The following SRCAP variants were observed in gnomAD, a reference collection of about 807,000 sequenced individuals.
SRCAP encodes chromatin remodeling protein SRCAP.
SRCAP carries 46 observed loss-of-function variants against 263.1 expected under a neutral mutation model. The ratio of observed to expected loss-of-function variants is 0.17; its 90% CI spans 0.14 to 0.22. The LOEUF (loss-of-function observed/expected upper bound fraction) is 0.22, where lower values mean the gene tolerates loss of function less well. SRCAP is among the 10% of genes least tolerant of loss of function. The probability of loss-of-function intolerance (pLI) is 1.00; values close to 1 mark genes in which losing one functional copy is unlikely to be tolerated. For missense variants in SRCAP, 3,695 were observed against 4,181.9 expected (o/e 0.88, Z 3.21); for synonymous variants, 1,813 against 1,662.1 (o/e 1.09, Z -2.21).
chr16:30,724,260 G>C lies in SRCAP; in HGVS notation c.4836G>C (p.Leu1612=). The C allele has an allele frequency of 6.2e-7, 1 of 1,614,052 alleles. No homozygotes were observed. Among genetic ancestry groups the C allele is most frequent in the Non-Finnish European group, 8.5e-7 (1 of 1,180,002 alleles). ...PAPPLAPLPV[L]APSPGAAPVL... ...CTCCTCTGGCTCCTCTTCCGGTCCT[G>C]GCACCATCGCCAGGTGCTGCTCCTG... is the stretch of plus-strand genomic sequence containing the variant. The change falls in exon 25 of 34, where the codon CTG becomes CTC. Residue 1612 remains leucine, a synonymous_variant. Coordinates refer to ENST00000262518, the MANE Select transcript of SRCAP (RefSeq NM_006662.3).
At position 30,711,819 on chromosome 16, in the gene SRCAP, T is replaced by C; in HGVS notation, c.1493-16T>C. On this transcript the variant is annotated splice_polypyrimidine_tract_variant and intron_variant, in intron 11 of 33. Transcript: ENST00000262518. ...AGCAGGTATGATGAGCAGTAAGCCT[T>C]GGTCTTACCCTTTAGACTCTGTGGA... is the stretch of plus-strand genomic sequence containing the variant. 1.2e-6 allele frequency: 2 copies of C among 1,612,792 alleles called. No homozygotes were observed. Among genetic ancestry groups the C allele is most frequent in the Non-Finnish European group, 1.7e-6 (2 of 1,179,058 alleles).
chr16:30,712,040 A>C lies in SRCAP; in HGVS notation c.1698A>C (p.Ala566=), dbSNP rs932054538. Residue 566 remains alanine (A), a synonymous_variant, in exon 12 of 34, where the codon GCA becomes GCC. Coordinates refer to ENST00000262518, the MANE Select transcript of SRCAP (RefSeq NM_006662.3). ...ATGAAGAGCAGAGTGAGGCAGATGC[A>C]GGCAGTGGGCCTCCTACTCCAGGGC... The part of the protein sequence containing the change: ...ARDEEQSEAD[A]GSGPPTPGPT... The C allele has an allele frequency of 1.2e-6, 2 of 1,613,960 alleles. No homozygotes were observed. Among genetic ancestry groups the C allele is most frequent in the African/African-American group, 2.7e-5 (2 of 74,868 alleles).
chr16:30,713,164 C>T (rs997750759), intron 14 of SRCAP, 44 bp from the exon 15 acceptor site: 4 of 1,590,950 alleles, frequency 2.5e-6, no homozygotes, highest in African/African-American at 1.3e-5. Flanking sequence ...TTGCTCTCTT[C>T]TTTTCATCCC....
intron 32 of SRCAP, 71 bp from the exon 33 acceptor site, chr16:30,736,470 G>C (rs993529290): frequency 6.6e-5 from 107 of 1,610,130 alleles, no homozygotes; most frequent in Non-Finnish European, 6.5e-5. Context: ...CTTCCCTGGT[G>C]GGAATAAATA....
In SRCAP at chr16:30,720,163, G is replaced by A. The variant is rs571228447; in HGVS notation, c.2819G>A (p.Arg940Gln). Residue 940 changes from arginine (R) to glutamine (Q), a missense_variant and splice_region_variant, in exon 19 of 34, where the codon CGG becomes CAG. Around this residue, in one of 12 missense-constraint regions of SRCAP, gnomAD observed 147 missense variants for 212.7 expected, o/e 0.69. Coordinates refer to ENST00000262518, the MANE Select transcript of SRCAP (RefSeq NM_006662.3). ...ACTGTGCTTTCTTTCTTGTGGCAGCGGATAGACATGGGTCGATTTGACCTT... is the reference window on the plus strand; with the variant it reads ...ACTGTGCTTTCTTTCTTGTGGCAGCAGATAGACATGGGTCGATTTGACCTT... ...LRATDVHPLQ[R>Q]IDMGRFDLIG... is the part of the protein sequence containing the mutation. 34 of 1,602,168 alleles carry A rather than the reference G, an allele frequency of 2.1e-5. No homozygotes were observed. Among genetic ancestry groups the A allele is most frequent in the Admixed American group, 5.0e-5 (3 of 59,688 alleles).
Position 30,739,826 on chromosome 16 carries a change from G to A in SRCAP, c.*93G>A, listed in dbSNP as rs2151301708. On this transcript the variant is annotated 3_prime_UTR_variant, in exon 34 of 34. Transcript: ENST00000262518. ...AACCACTACTTGAAGTCTTGAGGGG[G>A]AAAGCCTCCAGGGAGACATAGGGGC... 4.9e-6 allele frequency: 7 copies of A among 1,421,342 alleles called. No individual in the cohort carries two copies. In the South Asian group the frequency reaches 1.1e-4, roughly 23 times the overall value. 88.0% of individuals were successfully genotyped at this position (1,421,342 alleles called of 1,614,324 possible).
intron 14 of SRCAP, 60 bp from the exon 15 acceptor site, chr16:30,713,148 T>C: frequency 6.5e-7 from 1 of 1,544,930 alleles, no homozygotes; most frequent in African/African-American, 1.4e-5. Context: ...TTAGCATGTC[T>C]TCCCTTTGCT....
rs1409048102 is a variant in SRCAP, at chr16:30,723,634, C to A, written c.4210C>A (p.Pro1404Thr). Residue 1404 changes from proline (P) to threonine (T), a missense_variant, in exon 25 of 34, where the codon CCA becomes ACA. Pro to Thr is a conservative substitution (Grantham distance 38, BLOSUM62 -1). Coordinates refer to ENST00000262518, the MANE Select transcript of SRCAP (RefSeq NM_006662.3). ...GACCATCTCTTCTCCTCTCCACGTG[C>A]CATCCTCCCTCCCTGGGCCAGCCTC... ...PLTISSPLHV[P>T]SSLPGPASSP... 13 of 1,613,622 alleles carry A rather than the reference C, an allele frequency of 8.1e-6. No homozygotes were observed. The highest frequency in any genetic ancestry group is 1.1e-5 in the Non-Finnish European group (13 of 1,179,666).
chr16:30,707,805 A>G, intron 6 of SRCAP, 93 bp downstream of exon 6: 1 of 1,492,802 alleles, frequency 6.7e-7, no homozygotes, highest in Non-Finnish European at 9.1e-7. Context: ...TGAGGGAGTA[A>G]ATATAATTTC....
intron 24 of SRCAP, 24 bp from the exon 25 acceptor site, chr16:30,723,559 GC>G (rs2053031997): frequency 2.5e-6 from 4 of 1,593,056 alleles, no homozygotes. Context: ...GAATTCTGGG[GC>G]TAACTCATCC....
intron 22 of SRCAP, 138 bp downstream of exon 22, chr16:30,722,424 G>A: frequency 2.0e-6 from 3 of 1,499,174 alleles, no homozygotes; most frequent in Non-Finnish European, 2.7e-6. Context: ...TGGTTGGAGG[G>A]ATCTTGGATA....
intron 18 of SRCAP, among the ~76,000 whole-genome samples, chr16:30,717,998 TG>T (rs1279954939): frequency 6.6e-6 from 1 of 151,410 alleles, no homozygotes; most frequent in African/African-American, 2.4e-5. Flanking sequence ...GACGAGTAGC[TG>T]GAACTATATG....
chr16:30,711,567 C>A lies in SRCAP; in HGVS notation c.1319-4C>A. On this transcript the variant is annotated splice_polypyrimidine_tract_variant and splice_region_variant and intron_variant, in intron 10 of 33. Transcript: ENST00000262518. ...CAACCAAAAGCTTTTTGTTTCTCTT[C>A]CAGGTGAGCTTTCCATGGAGGAGCT... The A allele has an allele frequency of 6.3e-7, 1 of 1,579,900 alleles. No individual in the cohort carries two copies. Among genetic ancestry groups the A allele is most frequent in the Non-Finnish European group, 8.6e-7 (1 of 1,166,026 alleles).
chr16:30,740,062 A>C lies in SRCAP; in HGVS notation c.*329A>C. ...GGGAAGGGGGAGGGGCTTCTCTACA[A>C]TGAGGTTTTTTTCTTTTTTTTTTTT... On this transcript the variant is annotated 3_prime_UTR_variant, in exon 34 of 34. Transcript: ENST00000262518. 5 of 220,272 alleles carry C rather than the reference A, an allele frequency of 2.3e-5. No individual in the cohort carries two copies. Among genetic ancestry groups the C allele is most frequent in the East Asian group, 8.7e-5 (1 of 11,516 alleles). The allele number at this position is 220,272 out of a possible 1,614,324, so 13.6% of individuals were successfully genotyped here.
chr16:30,731,518 G>C (rs950586182), intron 27 of SRCAP, among the ~76,000 whole-genome samples: 1 of 152,088 alleles, frequency 6.6e-6, no homozygotes, highest in African/African-American at 2.4e-5. Context: ...GTAAAAAAAA[G>C]TGTTTTTGTT....
Position 30,729,156 on chromosome 16 carries a change from C to CTAT in SRCAP, c.5850_5851insATT (p.Thr1950_Tyr1951insIle), listed in dbSNP as rs767382265. ...GGCCCCAGCCACCCCACCTTTTGGA[C>CTAT]TTATACCGAGGCTGCCCACCGGGCT... On this transcript the variant is annotated inframe_insertion, in exon 26 of 34. Transcript: ENST00000262518. 11 of 1,613,886 alleles carry CTAT rather than the reference C, an allele frequency of 6.8e-6. No individual in the cohort carries two copies. Among genetic ancestry groups the CTAT allele is most frequent in the African/African-American group, 2.7e-5 (2 of 74,842 alleles).
At chr16:30,719,695 G>T (rs994279806) in intron 18 of SRCAP, among the ~76,000 whole-genome samples, 1 of 152,078 alleles carries the variant, frequency 6.6e-6, no homozygotes, top group African/African-American at 2.4e-5. Flanking sequence ...TGTATTTTCT[G>T]TAGAGACGGG....
In SRCAP at chr16:30,712,393, G is replaced by T; in HGVS notation, c.1947G>T (p.Lys649Asn). 1 of 1,597,962 alleles carries T rather than the reference G, an allele frequency of 6.3e-7. No homozygotes were observed. The highest frequency in any genetic ancestry group is 1.1e-5 in the South Asian group (1 of 89,186). ...GILADEMGLG[K>N]TIQTISLLAH... is the part of the protein sequence containing the mutation. ...TTGCTGATGAGATGGGGCTTGGGAAGACCATCCAGACCATCTCTCTGCTTG... is the reference window on the plus strand; with the variant it reads ...TTGCTGATGAGATGGGGCTTGGGAATACCATCCAGACCATCTCTCTGCTTG... The change falls in exon 13 of 34, where the codon AAG becomes AAT. Residue 649 changes from lysine to asparagine, a missense_variant. Physicochemically the swap from Lys to Asn is moderately conservative, Grantham distance 94 (BLOSUM62 0). Around this residue, in one of 12 missense-constraint regions of SRCAP, gnomAD observed 121 missense variants for 330.7 expected, o/e 0.37. Coordinates refer to ENST00000262518, the MANE Select transcript of SRCAP (RefSeq NM_006662.3).
chr16:30,718,192 G>A (rs954643709), intron 18 of SRCAP, among the ~76,000 whole-genome samples: 3 of 151,550 alleles, frequency 2.0e-5, no homozygotes, highest in Admixed American at 6.6e-5. Flanking sequence ...TTTTGGGTGG[G>A]GGGGGCAGAG....
Sources: allele counts gnomAD v4.1 joint callset (sites outside exome capture counted in the v4.1 genomes callset), GRCh38; gene constraint gnomAD v4.1.1; regional missense constraint gnomAD v4.1.1; transcripts MANE v1.5; gene names NCBI Gene and HGNC (gene_info 2026-07-23, HGNC 2026-07-21).